PTPN2: variants seen among roughly 807,000 people sequenced by gnomAD.
PTPN2 encodes protein tyrosine phosphatase non-receptor type 2.
PTPN2 carries 19 observed loss-of-function variants against 57.3 expected under a neutral mutation model. The observed-to-expected ratio is 0.33, with a 90% CI of 0.23 to 0.49. PTPN2 has a LOEUF of 0.49. Among genes scored for constraint, PTPN2 ranks in the 20% least tolerant of loss-of-function variants. The pLI is 0.99. For missense variants in PTPN2, 358 were observed against 501.1 expected, an observed-to-expected ratio of 0.71 and a Z score of 2.73; for synonymous variants, 153 against 164.9, an observed-to-expected ratio of 0.93 and a Z score of 0.55.
At chr18:12,881,672 C>G (rs924956406) in intron 1 of PTPN2, among the ~76,000 whole-genome samples, 2 of 152,178 alleles carry the variant, frequency 1.3e-5, no homozygotes, top group Non-Finnish European at 2.9e-5. Context: ...TTGTCCTCTT[C>G]CCCTGGCCAA....
At chr18:12,827,804 C>T (rs1285022881) in intron 4 of PTPN2, among the ~76,000 whole-genome samples, 1 of 151,742 alleles carries the variant, frequency 6.6e-6, no homozygotes, top group South Asian at 2.1e-4. Context: ...TAGGAAGACC[C>T]AAAGAAGAAC....
At chr18:12,820,452 C>T (rs2042232127) in intron 5 of PTPN2, among the ~76,000 whole-genome samples, 1 of 152,120 alleles carries the variant, frequency 6.6e-6, no homozygotes, top group Non-Finnish European at 1.5e-5. Context: ...GGATGGACCC[C>T]TTTCCCTCTT....
In PTPN2 at chr18:12,856,447, T is replaced by C. The variant is rs1442226377; in HGVS notation, c.160+2717A>G. Reference sequence around the variant, plus strand: ...AAGAAGAAGAAGAGTAAGGAGAACATGCACTGGGGGCTGCTCCCAGCAGAG... The same window carrying C: ...AAGAAGAAGAAGAGTAAGGAGAACACGCACTGGGGGCTGCTCCCAGCAGAG... On this transcript the variant is annotated intron_variant, in intron 2 of 8. Transcript: ENST00000309660. 3.3e-5 allele frequency among the ~76,000 whole-genome samples: 5 copies of C among 152,054 alleles called. No individual in the cohort carries two copies. The East Asian group carries it at 9.7e-4, about 29-fold the overall frequency.
Position 12,871,247 on chromosome 18 carries a change from A to C in PTPN2, c.70-11993T>G, listed in dbSNP as rs528060738. Among the ~76,000 whole-genome samples, 3 of 152,346 alleles carry C rather than the reference A, an allele frequency of 2.0e-5. No homozygotes were observed. In the East Asian group the frequency reaches 5.8e-4, roughly 29 times the overall value. ...TTCTAGGTTTTAGCTGTTATAAATA[A>C]TGCTGCTATGAATAACCTTTCAAAG... is the stretch of plus-strand genomic sequence containing the variant. On this transcript the variant is annotated intron_variant, in intron 1 of 8. Transcript: ENST00000309660.
intron 5 of PTPN2, chr18:12,819,398 T>C (rs2042194358): frequency 8.8e-6 from 4 of 452,506 alleles, no homozygotes; most frequent in Non-Finnish European, 1.5e-5. Flanking sequence ...CTAAAGGCTA[T>C]ATACTATACT....
chr18:12,864,764 T>C (rs949987929), intron 1 of PTPN2, among the ~76,000 whole-genome samples: 3 of 152,230 alleles, frequency 2.0e-5, no homozygotes, highest in Admixed American at 6.5e-5. Flanking sequence ...TTTCACATAA[T>C]AACATTTAAT....
intron 4 of PTPN2, among the ~76,000 whole-genome samples, chr18:12,829,504 C>CG (rs1491315478): frequency 2.2e-5 from 2 of 89,104 alleles, no homozygotes; most frequent in Admixed American, 1.1e-4. Context: ...ACTCTGTCTC[C>CG]AAAAAAAAAA....
intron 1 of PTPN2, among the ~76,000 whole-genome samples, chr18:12,872,833 T>C (rs1836299838): frequency 6.6e-6 from 1 of 152,234 alleles, no homozygotes; most frequent in Admixed American, 6.5e-5. Context: ...GAACATTAAA[T>C]CGGCACAACA....
intron 1 of PTPN2, among the ~76,000 whole-genome samples, chr18:12,883,156 A>G (rs2044719794): frequency 6.6e-6 from 1 of 152,176 alleles, no homozygotes; most frequent in South Asian, 2.1e-4. Context: ...GGGCAAGGAA[A>G]GGCTATTTTG....
Position 12,827,764 on chromosome 18 carries a change from G to A in PTPN2, c.361-1820C>T, listed in dbSNP as rs78719468. ...AAAGAGAACGTGACAAATAAAAAAG[G>A]TAGGCAAAGAAAATCCAACATACGT... On this transcript the variant is annotated intron_variant, in intron 4 of 8. Transcript: ENST00000309660. Among the ~76,000 whole-genome samples, 485 of 152,054 alleles carry A rather than the reference G, an allele frequency of 3.2e-3. 3 individuals carry two copies. Among genetic ancestry groups the A allele is most frequent in the African/African-American group, 0.011 (465 of 41,510 alleles).
At chr18:12,838,116 AAAAG>A (rs1169607952) in intron 2 of PTPN2, among the ~76,000 whole-genome samples, 3 of 152,218 alleles carry the variant, frequency 2.0e-5, no homozygotes, top group African/African-American at 7.2e-5. Flanking sequence ...ACATACCAAA[AAAAG>A]AAAGCCTGGT....
At chr18:12,879,161 C>T (rs897830979) in intron 1 of PTPN2, among the ~76,000 whole-genome samples, 1 of 152,220 alleles carries the variant, frequency 6.6e-6, no homozygotes, top group Non-Finnish European at 1.5e-5. Flanking sequence ...GTTTTAGAGA[C>T]AGGATCTCAC....
At chr18:12,830,100 A>ATTTT (rs148424474) in intron 4 of PTPN2, among the ~76,000 whole-genome samples, 3 of 147,618 alleles carry the variant, frequency 2.0e-5, no homozygotes, top group Non-Finnish European at 3.0e-5. Context: ...ATAATCCTTG[A>ATTTT]TTTTTTTTTT....
intron 8 of PTPN2, among the ~76,000 whole-genome samples, chr18:12,800,181 G>C (rs966482755): frequency 6.6e-6 from 1 of 152,066 alleles, no homozygotes; most frequent in African/African-American, 2.4e-5. Context: ...ATAGACTCTA[G>C]AGTGGTTTTA....
chr18:12,788,788 T>G (rs2542159), downstream of PTPN2, among the ~76,000 whole-genome samples: 145,800 of 152,088 alleles, frequency 0.96, 70,195 homozygotes, highest in East Asian at 1. Context: ...CAGAACCCAG[T>G]AGACAGGGGA....
chr18:12,800,006 C>T (rs2041353048), intron 8 of PTPN2, among the ~76,000 whole-genome samples: 2 of 152,114 alleles, frequency 1.3e-5, no homozygotes, highest in Admixed American at 1.3e-4. Flanking sequence ...TCTGTTGGGA[C>T]TCTCTGCTTT....
In PTPN2 at chr18:12,794,015, G is replaced by A; in HGVS notation, c.*263C>T. 1 of 1,349,868 alleles carries A rather than the reference G, an allele frequency of 7.4e-7. No individual in the cohort carries two copies. Among genetic ancestry groups the A allele is most frequent in the Non-Finnish European group, 9.5e-7 (1 of 1,051,288 alleles). 83.6% of individuals were successfully genotyped at this position (1,349,868 alleles called of 1,614,324 possible). A position where few individuals can be genotyped will look rare whatever the true frequency, so the allele number is the denominator to read the frequency against. ...GTGAAATACTGTGTTTGACATGTAT[G>A]AATACAGTTGCAAAATTTACCAGTT... is the stretch of plus-strand genomic sequence containing the variant. On this transcript the variant is annotated 3_prime_UTR_variant, in exon 9 of 9. Transcript: ENST00000309660.
At chr18:12,795,631 C>T (rs1363490188) in intron 8 of PTPN2, among the ~76,000 whole-genome samples, 1 of 152,122 alleles carries the variant, frequency 6.6e-6, no homozygotes, top group African/African-American at 2.4e-5. Flanking sequence ...CTCTGACTCT[C>T]AAGATACTTA....
Position 12,830,935 on chromosome 18 carries a change from T to A in PTPN2, c.360+8A>T. The A allele has an allele frequency of 6.4e-7, 1 of 1,559,922 alleles. No homozygotes were observed. The highest frequency in any genetic ancestry group is 8.8e-7 in the Non-Finnish European group (1 of 1,132,206). On this transcript the variant is annotated splice_region_variant and intron_variant, in intron 4 of 8. Transcript: ENST00000309660. ...TATACTAAGTTGTAAATATTAAATA[T>A]TACTCACCGATTCTTTCTCCACAAT...
Sources: allele counts gnomAD v4.1 joint callset (sites outside exome capture counted in the v4.1 genomes callset), GRCh38; gene constraint gnomAD v4.1.1; transcripts MANE v1.5; gene names NCBI Gene and HGNC (gene_info 2026-07-23, HGNC 2026-07-21).